Variants in ENPP3 observed in about 807,000 individuals in gnomAD.
ENPP3 encodes the protein ectonucleotide pyrophosphatase/phosphodiesterase 3.
Under a neutral mutation model 117.8 loss-of-function variants are expected in ENPP3, and 104 were observed. The observed-to-expected ratio is 0.88, with a 90% CI of 0.75 to 1.04. The LOEUF is 1.04. Among genes scored for constraint, ENPP3 ranks in the 50% least tolerant of loss-of-function variants. The pLI is 0.00. For synonymous variants in ENPP3, 380 were observed against 349.9 expected, an observed-to-expected ratio of 1.09 and a Z score of -0.96; for missense variants, 1,026 against 1,051.9, an observed-to-expected ratio of 0.98 and a Z score of 0.34.
chr6:131,686,046 T>C (rs994594449), intron 14 of ENPP3, 139 bp downstream of exon 14: 10 of 467,040 alleles, frequency 2.1e-5, no homozygotes, highest in Middle Eastern at 6.0e-4. Context: ...AACATTATTT[T>C]ATATGCATAT....
Position 131,641,500 on chromosome 6 carries a change from G to C in ENPP3, c.124G>C (p.Gly42Arg), listed in dbSNP as rs992127569. The change falls in exon 2 of 25, where the codon GGG (glycine) becomes CGG (arginine). Residue 42 changes from glycine to arginine, a missense_variant. Gly to Arg is a moderately radical substitution (Grantham distance 125, BLOSUM62 -2). Coordinates refer to ENST00000357639, the MANE Select transcript of ENPP3 (RefSeq NM_005021.5). ...GATCATGTCACTTGGATTAGGCCTG[G>C]GGCTTGGACTCAGGAAACTGGAAAA... The part of the protein sequence containing the change: ...LVIMSLGLGL[G>R]LGLRKLEKQG... 6.2e-7 allele frequency: 1 copy of C among 1,610,990 alleles called. No individual in the cohort carries two copies. Among genetic ancestry groups the C allele is most frequent in the Admixed American group, 1.7e-5 (1 of 59,952 alleles).
At chr6:131,693,661 A>G (rs1319714547) in intron 15 of ENPP3, 37 bp downstream of exon 15, 4 of 1,593,346 alleles carry the variant, frequency 2.5e-6, no homozygotes, top group Non-Finnish European at 3.4e-6. Context: ...TAATGCCTTT[A>G]ATAACCATTT....
In ENPP3 at chr6:131,652,795, C is replaced by T. The variant is rs769014836; in HGVS notation, c.404-36C>T. On this transcript the variant is annotated intron_variant, in intron 4 of 24. Transcript: ENST00000357639. ...ATCTTTAGTTACTCTGTCTGTGCTG[C>T]AGCAAGTATCAAGATTTTGATCTTA... 3.1e-6 allele frequency: 5 copies of T among 1,595,172 alleles called. No individual in the cohort carries two copies. The South Asian group carries it at 5.5e-5, about 18-fold the overall frequency.
At chr6:131,734,651 C>T (rs972386820) in intron 21 of ENPP3, among the ~76,000 whole-genome samples, 11 of 152,074 alleles carry the variant, frequency 7.2e-5, no homozygotes, top group Admixed American at 1.3e-4. Context: ...AATCCCAGCA[C>T]TTTGGGAGGC....
chr6:131,720,270 T>G, intron 16 of ENPP3, 22 bp from the exon 17 acceptor site: 1 of 1,418,100 alleles, frequency 7.1e-7, no homozygotes, highest in Non-Finnish European at 9.7e-7. Context: ...CTAATAATAA[T>G]AATCTGACTA....
intron 14 of ENPP3, among the ~76,000 whole-genome samples, chr6:131,689,865 G>A (rs1779239731): frequency 6.6e-6 from 1 of 152,242 alleles, no homozygotes; most frequent in South Asian, 2.1e-4. Context: ...TAGGAGTTTG[G>A]AAGAAGTTGA....
chr6:131,683,168 CT>C lies in ENPP3; in HGVS notation c.1120+10del. The stretch of plus-strand genomic sequence containing the variant: ...CATCCTTCTGGCTGACCATGGTATG[CT>C]TTTAAAAAACATTCTTATTTTATCA... On this transcript the variant is annotated splice_region_variant and intron_variant, in intron 12 of 24. Coordinates refer to ENST00000357639, the MANE Select transcript of ENPP3 (RefSeq NM_005021.5). 6.8e-7 allele frequency: 1 copy of C among 1,477,654 alleles called. No homozygotes were observed. Among genetic ancestry groups the C allele is most frequent in the Non-Finnish European group, 9.4e-7 (1 of 1,063,418 alleles). The allele number at this position is 1,477,654 out of a possible 1,614,324, so 91.5% of individuals were successfully genotyped here. A position where few individuals can be genotyped will look rare whatever the true frequency, so the allele number is the denominator to read the frequency against.
At chr6:131,652,074 C>T (rs747512788) in intron 3 of ENPP3, among the ~76,000 whole-genome samples, 1 of 152,252 alleles carries the variant, frequency 6.6e-6, no homozygotes, top group Non-Finnish European at 1.5e-5. Context: ...TCTGTCACTG[C>T]TGTCACTTTC....
intron 1 of ENPP3, 103 bp from the exon 2 acceptor site, chr6:131,641,352 G>A (rs1778035245): frequency 1.5e-6 from 1 of 651,018 alleles, no homozygotes. Context: ...GGCATAACTA[G>A]TACGCTGCAG....
chr6:131,691,363 C>T (rs892447610), intron 14 of ENPP3, among the ~76,000 whole-genome samples: 6 of 151,840 alleles, frequency 4.0e-5, no homozygotes, highest in African/African-American at 7.3e-5. Context: ...CCGAGGCGGG[C>T]GGATCACTTG....
At chr6:131,740,600 C>G (rs1780508400) in intron 24 of ENPP3, among the ~76,000 whole-genome samples, 1 of 151,924 alleles carries the variant, frequency 6.6e-6, no homozygotes, top group South Asian at 2.1e-4. Context: ...TATATATACC[C>G]CATGTATTTT....
intron 11 of ENPP3, among the ~76,000 whole-genome samples, chr6:131,680,405 T>A (rs76135529): frequency 0.019 from 2,873 of 152,172 alleles, 91 homozygotes; most frequent in African/African-American, 0.065. Flanking sequence ...GCAATTGAGG[T>A]GCCTGTGATG....
chr6:131,671,448 A>C, intron 7 of ENPP3, 121 bp downstream of exon 7: 3 of 673,106 alleles, frequency 4.5e-6, no homozygotes, highest in Non-Finnish European at 7.9e-6. Flanking sequence ...ATGGGGGGAT[A>C]GTTCATGGCT....
At chr6:131,642,364 A>G (rs1480353790) in intron 2 of ENPP3, among the ~76,000 whole-genome samples, 1 of 152,142 alleles carries the variant, frequency 6.6e-6, no homozygotes, top group Non-Finnish European at 1.5e-5. Context: ...TTTTTCTTAT[A>G]AGAAGCAAAG....
At chr6:131,681,041 T>C (rs1779012375) in intron 11 of ENPP3, among the ~76,000 whole-genome samples, 6 of 151,646 alleles carry the variant, frequency 4.0e-5, no homozygotes, top group Admixed American at 4.0e-4. Context: ...GAGGGGGTTC[T>C]TGGTGTGGTT....
chr6:131,709,698 A>G, intron 15 of ENPP3: 3 of 1,613,608 alleles, frequency 1.9e-6, no homozygotes, highest in Admixed American at 1.7e-5. Flanking sequence ...ATTCTTCTTC[A>G]AGATCTTTGG....
At chr6:131,639,265 ATT>A (rs1554259595) in intron 1 of ENPP3, among the ~76,000 whole-genome samples, 2 of 107,208 alleles carry the variant, frequency 1.9e-5, no homozygotes, top group African/African-American at 3.9e-5. Context: ...ATATATATAT[ATT>A]TTTTTTTTTT....
Position 131,661,388 on chromosome 6 carries a change from T to G in ENPP3, c.562+2968T>G, listed in dbSNP as rs547362529. Among the ~76,000 whole-genome samples, 6 of 152,256 alleles carry G rather than the reference T, an allele frequency of 3.9e-5. No homozygotes were observed. In the South Asian group the frequency reaches 1.2e-3, roughly 32 times the overall value. ...GCATATCTTCATCAACACCTGTTTT[T>G]GGGGTTTTTTTGATACTAGATATCC... On this transcript the variant is annotated intron_variant, in intron 6 of 24. Coordinates refer to ENST00000357639, the MANE Select transcript of ENPP3 (RefSeq NM_005021.5).
intron 12 of ENPP3, among the ~76,000 whole-genome samples, chr6:131,683,939 G>T (rs528071811): frequency 6.6e-6 from 1 of 152,126 alleles, no homozygotes; most frequent in East Asian, 1.9e-4. Flanking sequence ...TTTTAGTAGC[G>T]ATGGGGTTTC....
Sources: gnomAD v4.1 joint callset for allele counts (sites outside exome capture counted in the v4.1 genomes callset) on GRCh38, gnomAD v4.1.1 for gene constraint, MANE v1.5 for transcripts, NCBI Gene and HGNC (gene_info 2026-07-23, HGNC 2026-07-21) for gene names.